FMO2: variants seen among roughly 807,000 people sequenced by gnomAD.
The protein encoded by FMO2 is flavin containing dimethylaniline monoxygenase 2.
Under a neutral mutation model 41.6 loss-of-function variants are expected in FMO2, and 33 were observed. That is an observed-to-expected ratio of 0.79 (90% CI 0.60 to 1.06). The LOEUF is 1.06. FMO2 is among the 50% of genes least tolerant of loss of function. The pLI is 0.00. For missense variants in FMO2, 619 were observed against 632.9 expected, an observed-to-expected ratio of 0.98 and a Z score of 0.23; for synonymous variants, 214 against 219.6, an observed-to-expected ratio of 0.97 and a Z score of 0.23.
At position 171,205,248 on chromosome 1, in the gene FMO2, C is replaced by T. The variant is rs758143009; in HGVS notation, c.828-31C>T. 2.1e-6 allele frequency: 3 copies of T among 1,398,170 alleles called. No individual in the cohort carries two copies. The South Asian group carries it at 3.8e-5, about 18-fold the overall frequency. The allele number at this position is 1,398,170 out of a possible 1,614,324, so 86.6% of individuals were successfully genotyped here. A position where few individuals can be genotyped will look rare whatever the true frequency, so the allele number is the denominator to read the frequency against. ...GTTCAAGATTCCTCAGCAAATGATCCTTCAGAATGTTTTTCTTCTGTATGT... is the reference window on the plus strand; with the variant it reads ...GTTCAAGATTCCTCAGCAAATGATCTTTCAGAATGTTTTTCTTCTGTATGT... On this transcript the variant is annotated intron_variant, in intron 6 of 8. Coordinates refer to ENST00000209929, the MANE Select transcript of FMO2 (RefSeq NM_001460.5).
rs1658912392 is a variant in FMO2 at position 171,209,845 on chromosome 1, G to A, written c.*700G>A. 6.6e-6 allele frequency: 1 copy of A among 152,176 alleles called. No individual in the cohort carries two copies. The highest frequency in any genetic ancestry group is 6.5e-5 in the Admixed American group (1 of 15,274). The allele number at this position is 152,176 out of a possible 1,614,324, so 9.4% of individuals were successfully genotyped here. On this transcript the variant is annotated 3_prime_UTR_variant, in exon 9 of 9. Coordinates refer to ENST00000209929, the MANE Select transcript of FMO2 (RefSeq NM_001460.5). ...TATCATAGGCCAGACATTGTGCTATGTGCATATCATATGTATTATTTCATT... is the reference window on the plus strand; with the variant it reads ...TATCATAGGCCAGACATTGTGCTATATGCATATCATATGTATTATTTCATT...
chr1:171,206,424 A>G (rs1658760100), intron 7 of FMO2, among the ~76,000 whole-genome samples: 1 of 152,184 alleles, frequency 6.6e-6, no homozygotes, highest in African/African-American at 2.4e-5. Flanking sequence ...GGCACATGCT[A>G]TTTGACATTG....
intron 3 of FMO2, 95 bp from the exon 4 acceptor site, chr1:171,196,554 C>T (rs2101993110): frequency 1.8e-6 from 2 of 1,120,234 alleles, no homozygotes; most frequent in Non-Finnish European, 2.6e-6. Context: ...ACTGCTGAGT[C>T]AGGCCTCTTG....
intron 7 of FMO2, among the ~76,000 whole-genome samples, chr1:171,206,813 C>A (rs930074362): frequency 6.6e-6 from 1 of 152,118 alleles, no homozygotes; most frequent in Admixed American, 6.5e-5. Context: ...ACTGAAATAG[C>A]CTATGCTAAA....
At chr1:171,203,777 C>A (rs1658634905) in intron 5 of FMO2, 88 bp from the exon 6 acceptor site, 2 of 1,121,824 alleles carry the variant, frequency 1.8e-6, no homozygotes, top group Non-Finnish European at 2.6e-6. Flanking sequence ...AATTCTGGGG[C>A]TACACATGTG....
chr1:171,185,736 T>C lies in FMO2; in HGVS notation c.23T>C (p.Ile8Thr), dbSNP rs778169646. The change falls in exon 2 of 9, where the codon ATT (isoleucine) becomes ACT (threonine). Residue 8 changes from isoleucine (I) to threonine (T), a missense_variant. By Grantham distance (89) the Ile-to-Thr change is moderately conservative. Coordinates refer to ENST00000209929, the MANE Select transcript of FMO2 (RefSeq NM_001460.5). Reference sequence around the variant, plus strand: ...CTGATGGCAAAGAAGGTAGCTGTGATTGGAGCTGGGGTCAGTGGCCTAATT... The same window carrying C: ...CTGATGGCAAAGAAGGTAGCTGTGACTGGAGCTGGGGTCAGTGGCCTAATT... The part of the protein sequence containing the change: MAKKVAV[I>T]GAGVSGLISL... 5 of 1,613,844 alleles carry C rather than the reference T, an allele frequency of 3.1e-6. No homozygotes were observed. The South Asian group carries it at 5.5e-5, about 18-fold the overall frequency.
intron 8 of FMO2, 110 bp from the exon 9 acceptor site, chr1:171,208,684 T>A: frequency 1.0e-6 from 1 of 997,050 alleles, no homozygotes; most frequent in Non-Finnish European, 1.5e-6. Context: ...CATTGAAAAC[T>A]CATTCACATA....
intron 2 of FMO2, among the ~76,000 whole-genome samples, chr1:171,191,786 T>G (rs10912529): frequency 0.51 from 75,560 of 148,820 alleles, 20,100 homozygotes; most frequent in African/African-American, 0.65. Context: ...CACTTTAGGG[T>G]GTTGAGGTGG....
At position 171,208,817 on chromosome 1, in the gene FMO2, C is replaced by T. The variant is rs201571145; in HGVS notation, c.1280C>T (p.Thr427Met). ...AGGTTTGGAGAAAGCCAGAGCCAGACGTTGCAGACCAATTATGTTGACTAC... is the reference window on the plus strand; with the variant it reads ...AGGTTTGGAGAAAGCCAGAGCCAGATGTTGCAGACCAATTATGTTGACTAC... The part of the protein sequence containing the change: ...IDLFGESQSQ[T>M]LQTNYVDYLD... Residue 427 changes from threonine to methionine, a missense_variant, in exon 9 of 9, where the codon ACG becomes ATG. Transcript: ENST00000209929. 16 of 1,613,922 alleles carry T rather than the reference C, an allele frequency of 9.9e-6. No individual in the cohort carries two copies. The highest frequency in any genetic ancestry group is 6.6e-5 in the South Asian group (6 of 91,070).
At chr1:171,198,510 GTT>G (rs1482124506) in intron 4 of FMO2, among the ~76,000 whole-genome samples, 2 of 151,478 alleles carry the variant, frequency 1.3e-5, no homozygotes, top group Admixed American at 6.6e-5. Context: ...CATCTTCCAG[GTT>G]CAAGCAATTC....
intron 4 of FMO2, among the ~76,000 whole-genome samples, chr1:171,198,431 G>A (rs1658386848): frequency 6.9e-6 from 1 of 144,874 alleles, no homozygotes; most frequent in Non-Finnish European, 1.5e-5. Flanking sequence ...TTTTTGAGAT[G>A]GAGTCTCACT....
At chr1:171,190,072 G>C (rs931116794) in intron 2 of FMO2, among the ~76,000 whole-genome samples, 1 of 152,088 alleles carries the variant, frequency 6.6e-6, no homozygotes, top group African/African-American at 2.4e-5. Context: ...GATGTTTCAC[G>C]AAGAAAAAGT....
chr1:171,203,378 A>G (rs1658618412), intron 5 of FMO2, among the ~76,000 whole-genome samples: 1 of 151,812 alleles, frequency 6.6e-6, no homozygotes, highest in Non-Finnish European at 1.5e-5. Context: ...TCTTTTAAGT[A>G]TGGAAGGAAG....
chr1:171,188,736 G>T (rs3768570), intron 2 of FMO2, among the ~76,000 whole-genome samples: 5 of 151,852 alleles, frequency 3.3e-5, no homozygotes, highest in African/African-American at 1.2e-4. Flanking sequence ...ACTCCTACTG[G>T]GATTACTTAA....
At chr1:171,190,874 G>A (rs549736472) in intron 2 of FMO2, among the ~76,000 whole-genome samples, 4 of 152,178 alleles carry the variant, frequency 2.6e-5, no homozygotes, top group African/African-American at 4.8e-5. Flanking sequence ...GGCTGGGCGC[G>A]GTGGCTCACG....
chr1:171,203,110 C>T (rs1387742873), intron 5 of FMO2, among the ~76,000 whole-genome samples: 8 of 151,896 alleles, frequency 5.3e-5, no homozygotes, highest in Admixed American at 1.3e-4. Context: ...TGGGAGGCTG[C>T]GGCAGGAGGA....
At chr1:171,186,739 A>T (rs1026095482) in intron 2 of FMO2, among the ~76,000 whole-genome samples, 2 of 152,310 alleles carry the variant, frequency 1.3e-5, no homozygotes. Context: ...TGTCCTTAAA[A>T]ATTTGTATAA....
At chr1:171,189,342 T>C (rs1176897122) in intron 2 of FMO2, among the ~76,000 whole-genome samples, 3 of 151,240 alleles carry the variant, frequency 2.0e-5, no homozygotes, top group African/African-American at 4.9e-5. Flanking sequence ...TTTCTTCCTC[T>C]AAGTTCAATC....
At chr1:171,200,053 G>T (rs6662773) in intron 5 of FMO2, among the ~76,000 whole-genome samples, 60,454 of 151,966 alleles carry the variant, frequency 0.4, 12,819 homozygotes, top group East Asian at 0.55. Context: ...TTAATGAGAG[G>T]TTAATCTGTT....
Sources: gnomAD v4.1 joint callset for allele counts (sites outside exome capture counted in the v4.1 genomes callset) on GRCh38, gnomAD v4.1.1 for gene constraint, MANE v1.5 for transcripts, NCBI Gene and HGNC (gene_info 2026-07-23, HGNC 2026-07-21) for gene names.